KIAA0825: variants seen among roughly 807,000 people sequenced by gnomAD.
The protein encoded by KIAA0825 is KIAA0825.
KIAA0825 carries 119 observed loss-of-function variants against 147.6 expected under a neutral mutation model. The observed-to-expected ratio is 0.81, with a 90% confidence interval of 0.69 to 0.94. The LOEUF is 0.94. Among genes scored for constraint, KIAA0825 ranks in the 40% least tolerant of loss-of-function variants. The pLI is 0.00. For missense variants in KIAA0825, 1,381 were observed against 1,472.7 expected (o/e 0.94, Z 1.02); for synonymous variants, 470 against 518.1 (o/e 0.91, Z 1.26).
At chr5:94,416,505 T>C (rs1223048045) in intron 15 of KIAA0825, 2 of 152,198 alleles carry the variant, frequency 1.3e-5, no homozygotes, top group Non-Finnish European at 2.9e-5. Context: ...ATAAAAATCA[T>C]TGTCTAAGTT....
intron 2 of KIAA0825, among the ~76,000 whole-genome samples, chr5:94,557,951 T>G (rs137940045): frequency 1.1e-4 from 16 of 152,306 alleles, no homozygotes; most frequent in African/African-American, 3.8e-4. Context: ...TCCCTCTGGA[T>G]CTGGCAGGGT....
At chr5:94,370,440 A>C (rs1168834731) in intron 20 of KIAA0825, among the ~76,000 whole-genome samples, 1 of 152,206 alleles carries the variant, frequency 6.6e-6, no homozygotes, top group Non-Finnish European at 1.5e-5. Flanking sequence ...ATAAAATATA[A>C]GTAGAGAAAT....
At chr5:94,228,636 C>T (rs1583915714) in intron 20 of KIAA0825, among the ~76,000 whole-genome samples, 1 of 152,258 alleles carries the variant, frequency 6.6e-6, no homozygotes, top group East Asian at 1.9e-4. Context: ...TTGGAAAAAT[C>T]AGCAATTCAG....
chr5:94,355,051 T>C (rs913141196), intron 20 of KIAA0825, among the ~76,000 whole-genome samples: 7 of 152,240 alleles, frequency 4.6e-5, no homozygotes, highest in African/African-American at 1.7e-4. Context: ...TTCCACGCTA[T>C]AGGTAAATTT....
chr5:94,391,747 A>T (rs1013108524), intron 17 of KIAA0825, 53 bp from the exon 18 acceptor site: 2 of 1,369,244 alleles, frequency 1.5e-6, no homozygotes, highest in African/African-American at 2.9e-5. Flanking sequence ...GTAAAGATGG[A>T]GAGTAATCAT....
At chr5:94,344,257 A>G (rs1426022649) in intron 20 of KIAA0825, among the ~76,000 whole-genome samples, 1 of 152,218 alleles carries the variant, frequency 6.6e-6, no homozygotes, top group African/African-American at 2.4e-5. Flanking sequence ...GGAATACTAC[A>G]CAGTAATAAA....
chr5:94,468,069 G>C (rs1243405016), intron 10 of KIAA0825, among the ~76,000 whole-genome samples: 10 of 152,214 alleles, frequency 6.6e-5, no homozygotes, highest in Non-Finnish European at 1.5e-4. Context: ...GGAAGCTACA[G>C]TACCATGTAA....
chr5:94,599,511 A>T (rs114463095), intron 1 of KIAA0825, among the ~76,000 whole-genome samples: 1,830 of 152,048 alleles, frequency 0.012, 34 homozygotes, highest in African/African-American at 0.042. Flanking sequence ...TTAAAAAAAA[A>T]CTCAAAGTTG....
intron 1 of KIAA0825, among the ~76,000 whole-genome samples, chr5:94,606,163 C>T (rs1309016171): frequency 6.6e-6 from 1 of 151,940 alleles, no homozygotes; most frequent in East Asian, 1.9e-4. Flanking sequence ...TCACAAATGC[C>T]ACAAAAATAA....
chr5:94,286,457 A>G (rs893958791), intron 20 of KIAA0825, among the ~76,000 whole-genome samples: 8 of 152,176 alleles, frequency 5.3e-5, no homozygotes, highest in African/African-American at 1.9e-4. Flanking sequence ...TTCTCTGACA[A>G]CAGGGACCTG....
intron 20 of KIAA0825, among the ~76,000 whole-genome samples, chr5:94,354,288 C>T (rs972626840): frequency 6.6e-6 from 1 of 152,146 alleles, no homozygotes; most frequent in Non-Finnish European, 1.5e-5. Flanking sequence ...CTATTAATTT[C>T]TTGTCATAAC....
intron 20 of KIAA0825, among the ~76,000 whole-genome samples, chr5:94,323,117 G>A (rs771746740): frequency 1.4e-4 from 21 of 151,752 alleles, no homozygotes; most frequent in African/African-American, 4.1e-4. Context: ...CGTTGTGTGC[G>A]TATAATATAT....
intron 20 of KIAA0825, among the ~76,000 whole-genome samples, chr5:94,192,291 T>A (rs1017717183): frequency 1.3e-5 from 2 of 152,222 alleles, no homozygotes; most frequent in South Asian, 2.1e-4. Flanking sequence ...TGTATAATAT[T>A]CTTGGCTTCA....
chr5:94,297,918 T>G (rs1186335827), intron 20 of KIAA0825, among the ~76,000 whole-genome samples: 2 of 150,080 alleles, frequency 1.3e-5, no homozygotes, highest in East Asian at 4.0e-4. Context: ...TTATTTTCAG[T>G]TTATTATTAT....
intron 20 of KIAA0825, among the ~76,000 whole-genome samples, chr5:94,235,554 A>G (rs1774994284): frequency 6.6e-6 from 1 of 152,226 alleles, no homozygotes; most frequent in Non-Finnish European, 1.5e-5. Context: ...GCAGCGAGTT[A>G]TTCAAAGGAT....
intron 20 of KIAA0825, among the ~76,000 whole-genome samples, chr5:94,253,435 A>G (rs748343796): frequency 1.3e-5 from 2 of 152,180 alleles, no homozygotes; most frequent in Non-Finnish European, 2.9e-5. Flanking sequence ...GTGCAGACGC[A>G]GTATTCATAA....
At chr5:94,196,034 C>T (rs1771100425) in intron 20 of KIAA0825, among the ~76,000 whole-genome samples, 1 of 152,156 alleles carries the variant, frequency 6.6e-6, no homozygotes, top group Non-Finnish European at 1.5e-5. Context: ...TCTACTCTGT[C>T]AGGGTACATG....
chr5:94,224,082 C>CTTTTTTTTTTTTTT (rs869059424), intron 20 of KIAA0825, among the ~76,000 whole-genome samples: 237 of 56,490 alleles, frequency 4.2e-3, no homozygotes, highest in East Asian at 6.3e-3. Context: ...TTTTTCTTTT[C>CTTTTTTTTTTTTTT]TTTTTTTTTT....
chr5:94,361,268 C>T (rs1349547017), intron 20 of KIAA0825, among the ~76,000 whole-genome samples: 1 of 152,068 alleles, frequency 6.6e-6, no homozygotes, highest in Non-Finnish European at 1.5e-5. Flanking sequence ...AGAGTCACTG[C>T]TTTTTGAGGG....
Sources: allele counts gnomAD v4.1 joint callset (sites outside exome capture counted in the v4.1 genomes callset), GRCh38; gene constraint gnomAD v4.1.1; transcripts MANE v1.5; gene names NCBI Gene and HGNC (gene_info 2026-07-23, HGNC 2026-07-21).